Variants in LYRM4 observed in about 807,000 individuals in gnomAD.
The protein encoded by LYRM4 is LYR motif containing 4, also known as LYR motif-containing protein 4.
LYRM4 carries 9 observed loss-of-function variants against 11.7 expected under a neutral mutation model. The ratio of observed to expected loss-of-function variants is 0.77; its 90% CI spans 0.46 to 1.34. The LOEUF (loss-of-function observed/expected upper bound fraction) is 1.34, where lower values mean the gene tolerates loss of function less well. Ranked by LOEUF, LYRM4 falls within the 40% of genes most tolerant of loss-of-function variation. The pLI is 0.00. For synonymous variants in LYRM4, 42 were observed against 40.4 expected, an observed-to-expected ratio of 1.04 and a Z score of -0.15; for missense variants, 133 against 112.5, an observed-to-expected ratio of 1.18 and a Z score of -0.82.
chr6:5,161,960 T>A (rs897084018), intron 2 of LYRM4, among the ~76,000 whole-genome samples: 1 of 152,190 alleles, frequency 6.6e-6, no homozygotes, highest in East Asian at 1.9e-4. Flanking sequence ...GTGAGCATCT[T>A]CATGAAAAGA....
At chr6:5,032,787 C>G in the LYRM4 span, 1 of 152,148 alleles carries the variant, frequency 6.6e-6, no homozygotes, top group East Asian at 1.9e-4. Context: ...GAAGATCTCT[C>G]GGGTTCCTTG....
At chr6:5,094,835 C>A in the LYRM4 span, among the ~76,000 whole-genome samples, 3 of 152,014 alleles carry the variant, frequency 2.0e-5, no homozygotes, top group Non-Finnish European at 4.4e-5. Flanking sequence ...AAAGGGATCG[C>A]TGAAGGGGAA....
intron 2 of LYRM4, among the ~76,000 whole-genome samples, chr6:5,179,072 A>AAAAC (rs755552153): frequency 8.6e-5 from 7 of 81,436 alleles, no homozygotes; most frequent in South Asian, 5.6e-4. Flanking sequence ...AAACAAAAAA[A>AAAAC]AAAAAAAAAA....
intron 1 of LYRM4, chr6:5,240,583 C>T (rs1483455291): frequency 3.9e-5 from 6 of 152,102 alleles, no homozygotes; most frequent in Non-Finnish European, 8.8e-5. Flanking sequence ...GAGTGGAGTT[C>T]CAAAGACAAG....
At position 5,131,739 on chromosome 6, in the gene LYRM4, T is replaced by A. The variant is rs1763964474; in HGVS notation, c.208-22248A>T. On this transcript the variant is annotated intron_variant, in intron 2 of 2. Transcript: ENST00000330636. ...CTATTCCTCAGGTTAATTTATTTTT[T>A]ATTAGATTTTCAAATTAGCTGCCAC... Among the ~76,000 whole-genome samples, 3 of 152,250 alleles carry A rather than the reference T, an allele frequency of 2.0e-5. No individual in the cohort carries two copies. In the South Asian group the frequency reaches 6.2e-4, roughly 31 times the overall value.
the LYRM4 span, chr6:5,087,069 A>C: frequency 6.5e-6 from 1 of 153,728 alleles, no homozygotes; most frequent in Non-Finnish European, 1.4e-5. Flanking sequence ...TTACACCCCA[A>C]CCTATTTCTC....
At chr6:5,117,672 A>G (rs1160783419) in intron 2 of LYRM4, among the ~76,000 whole-genome samples, 1 of 152,022 alleles carries the variant, frequency 6.6e-6, no homozygotes, top group Non-Finnish European at 1.5e-5. Context: ...TCTATAGCAT[A>G]TTTATGCCTA....
intron 1 of LYRM4, among the ~76,000 whole-genome samples, chr6:5,258,546 GAT>G (rs1764787965): frequency 6.6e-6 from 1 of 152,208 alleles, no homozygotes; most frequent in Admixed American, 6.5e-5. Context: ...CAGCTGCAGA[GAT>G]TAGAGAGGAG....
intron 2 of LYRM4, among the ~76,000 whole-genome samples, chr6:5,159,055 C>T (rs1244717726): frequency 6.6e-6 from 1 of 152,174 alleles, no homozygotes; most frequent in Non-Finnish European, 1.5e-5. Flanking sequence ...CCACTGTATG[C>T]TAAAGCCATG....
the LYRM4 span, among the ~76,000 whole-genome samples, chr6:5,068,304 T>C: frequency 6.6e-6 from 1 of 152,230 alleles, no homozygotes; most frequent in Non-Finnish European, 1.5e-5. This position sits in a 1 kb window ranked among gnomAD's most constrained non-coding sequence, Gnocchi z 4.0. Flanking sequence ...TGAAAGGTCC[T>C]GCAGCAGCCA....
chr6:5,216,630 T>C lies in LYRM4; in HGVS notation c.195A>G (p.Val65=), dbSNP rs921164732. The stretch of plus-strand genomic sequence containing the variant: ...TGAACCATCTTACCTGTCGACGAAT[T>C]ACTCCAAGGTCTCTCTTGGCTTTAT... ...LVNKAKRDLG[V]IRRQVHIGQL... is the part of the protein sequence containing the mutation. The change falls in exon 2 of 3, where the codon GTA becomes GTG. Residue 65 remains valine, a synonymous_variant. Coordinates refer to ENST00000330636, the MANE Select transcript of LYRM4 (RefSeq NM_020408.6). The C allele has an allele frequency of 6.2e-7, 1 of 1,614,062 alleles. No individual in the cohort carries two copies. The highest frequency in any genetic ancestry group is 1.7e-5 in the Admixed American group (1 of 60,010).
chr6:5,182,191 A>G (rs1002687575), intron 2 of LYRM4, among the ~76,000 whole-genome samples: 2 of 152,178 alleles, frequency 1.3e-5, no homozygotes, highest in Non-Finnish European at 1.5e-5. Flanking sequence ...TTTAACTGAG[A>G]CAGGTATTAA....
chr6:5,182,469 AT>A (rs1272687796), intron 2 of LYRM4, among the ~76,000 whole-genome samples: 2 of 152,262 alleles, frequency 1.3e-5, no homozygotes, highest in Non-Finnish European at 2.9e-5. Context: ...ACAAAAATTC[AT>A]TTTAAAGTTT....
chr6:5,086,018 G>C, the LYRM4 span: 16 of 1,497,252 alleles, frequency 1.1e-5, no homozygotes, highest in South Asian at 1.2e-5. Flanking sequence ...GAGCAGCTCG[G>C]GGGGCTGCTG....
intron 1 of LYRM4, among the ~76,000 whole-genome samples, chr6:5,250,675 C>T (rs939693135): frequency 1.3e-5 from 2 of 152,118 alleles, no homozygotes; most frequent in African/African-American, 4.8e-5. Context: ...CTTTGTAATA[C>T]AGCGCCACAG....
chr6:5,086,743 A>C, the LYRM4 span: 2 of 604,560 alleles, frequency 3.3e-6, 1 homozygote, highest in African/African-American at 3.7e-5. Context: ...CAAGTGAGCG[A>C]GCTTAGAGAG....
chr6:5,196,291 A>G (rs1304988040), intron 2 of LYRM4, among the ~76,000 whole-genome samples: 4 of 152,094 alleles, frequency 2.6e-5, no homozygotes, highest in African/African-American at 7.2e-5. Flanking sequence ...CTTCACAACC[A>G]TTGCTTTTCC....
chr6:5,107,351 A>G (rs1226841476), downstream of LYRM4: 1 of 152,256 alleles, frequency 6.6e-6, no homozygotes, highest in Non-Finnish European at 1.5e-5. Flanking sequence ...TGATGCCTTC[A>G]GCACGGAGGT....
At chr6:5,258,305 C>T (rs572881027) in intron 1 of LYRM4, among the ~76,000 whole-genome samples, 55 of 152,308 alleles carry the variant, frequency 3.6e-4, no homozygotes, top group African/African-American at 1.3e-3. Context: ...CATTAAAAAA[C>T]GTTTACTAGT....
Sources: allele counts gnomAD v4.1 joint callset (sites outside exome capture counted in the v4.1 genomes callset), GRCh38; gene constraint gnomAD v4.1.1; non-coding constraint Gnocchi (gnomAD v3.1); transcripts MANE v1.5; gene names NCBI Gene and HGNC (gene_info 2026-07-23, HGNC 2026-07-21).